Variants in ATP10B observed in about 807,000 individuals in gnomAD.
ATP10B encodes the protein ATPase phospholipid transporting 10B (putative).
In ATP10B, 122 loss-of-function variants were observed where a neutral mutation model predicts 141.2. The observed-to-expected ratio is 0.86, with a 90% CI of 0.75 to 1.00. The LOEUF is 1.00. Among genes scored for constraint, ATP10B ranks in the 50% least tolerant of loss-of-function variants. The probability of loss-of-function intolerance (pLI) is 0.00; values close to 1 mark genes in which losing one functional copy is unlikely to be tolerated. For missense variants in ATP10B, 1,876 were observed against 1,825.3 expected (o/e 1.03, Z -0.51); for synonymous variants, 685 against 692.0 (o/e 0.99, Z 0.16).
At chr5:160,910,933 C>A in the ATP10B span, among the ~76,000 whole-genome samples, 1 of 152,218 alleles carries the variant, frequency 6.6e-6, no homozygotes, top group Admixed American at 6.5e-5. Context: ...TTTTCCTGGG[C>A]GTAAGTTCTT....
At chr5:160,694,723 A>C (rs1415465828) in intron 3 of ATP10B, among the ~76,000 whole-genome samples, 1 of 152,220 alleles carries the variant, frequency 6.6e-6, no homozygotes, top group Admixed American at 6.5e-5. Flanking sequence ...TCATTCAATC[A>C]ACAAATACTT....
At chr5:160,861,597 G>A in the ATP10B span, among the ~76,000 whole-genome samples, 3 of 151,832 alleles carry the variant, frequency 2.0e-5, no homozygotes, top group Non-Finnish European at 4.4e-5. Context: ...GTATGGAAAA[G>A]TTTTTACACT....
chr5:160,569,729 T>C, intron 24 of ATP10B, 46 bp from the exon 25 acceptor site: 1 of 1,427,238 alleles, frequency 7.0e-7, no homozygotes, highest in Non-Finnish European at 9.3e-7. Context: ...TAGCTGAGAT[T>C]AGGAGGCAGG....
intron 1 of ATP10B, among the ~76,000 whole-genome samples, chr5:160,799,499 C>A (rs1407921278): frequency 6.6e-6 from 1 of 152,198 alleles, no homozygotes; most frequent in Non-Finnish European, 1.5e-5. Context: ...AGTTCAAAGT[C>A]ACTGTTAATT....
At chr5:160,847,466 C>G (rs1481583577) in intron 1 of ATP10B, among the ~76,000 whole-genome samples, 3 of 152,112 alleles carry the variant, frequency 2.0e-5, no homozygotes, top group African/African-American at 7.2e-5. Context: ...CCCAAAGAAC[C>G]CCCAAACCTC....
intron 2 of ATP10B, among the ~76,000 whole-genome samples, chr5:160,747,078 T>A (rs1350445685): frequency 6.6e-6 from 1 of 152,220 alleles, no homozygotes; most frequent in Non-Finnish European, 1.5e-5. Flanking sequence ...TCTCATTTGA[T>A]CTGGCATCCC....
intron 1 of ATP10B, among the ~76,000 whole-genome samples, chr5:160,828,436 G>C (rs1774800115): frequency 6.6e-6 from 1 of 152,080 alleles, no homozygotes; most frequent in South Asian, 2.1e-4. Flanking sequence ...CATTGATGCA[G>C]CCAAAAGACA....
At position 160,785,728 on chromosome 5, in the gene ATP10B, C is replaced by T. The variant is rs766977192; in HGVS notation, c.-500G>A. On this transcript the variant is annotated 5_prime_UTR_variant, in exon 2 of 26. Transcript: ENST00000327245. ...TGAGTGAGATGAATAATAGGAAAAA[C>T]TACTTACTCTTCACACTGTTGCTTT... The T allele has an allele frequency of 4.0e-5, 51 of 1,265,870 alleles. No individual in the cohort carries two copies. Among genetic ancestry groups the T allele is most frequent in the African/African-American group, 7.7e-5 (5 of 64,854 alleles). 78.4% of individuals were successfully genotyped at this position (1,265,870 alleles called of 1,614,324 possible). A position where few individuals can be genotyped will look rare whatever the true frequency, so the allele number is the denominator to read the frequency against.
At chr5:160,767,641 C>CCCCCCCCCG (rs1554113857) in intron 2 of ATP10B, among the ~76,000 whole-genome samples, 1 of 114,078 alleles carries the variant, frequency 8.8e-6, no homozygotes, top group African/African-American at 2.9e-5. Context: ...CAGAACCCCC[C>CCCCCCCCCG]CCCCCAAAAT....
intron 22 of ATP10B, among the ~76,000 whole-genome samples, chr5:160,592,686 C>T (rs1756397476): frequency 6.6e-6 from 1 of 152,206 alleles, no homozygotes. Flanking sequence ...CAGATGGCAC[C>T]TGGAAAATCG....
intron 24 of ATP10B, among the ~76,000 whole-genome samples, chr5:160,578,811 T>G (rs1167038158): frequency 2.6e-5 from 4 of 152,118 alleles, no homozygotes; most frequent in Non-Finnish European, 5.9e-5. Context: ...CCACCAACAG[T>G]GTAAAAGTTT....
chr5:160,613,075 G>A, intron 17 of ATP10B, 150 bp from the exon 18 acceptor site: 1 of 688,026 alleles, frequency 1.5e-6, no homozygotes, highest in Non-Finnish European at 2.4e-6. Flanking sequence ...ACTAGATGGA[G>A]CAGGTCTCTA....
At chr5:160,811,956 C>T (rs1201406005) in intron 1 of ATP10B, among the ~76,000 whole-genome samples, 1 of 151,110 alleles carries the variant, frequency 6.6e-6, no homozygotes, top group Non-Finnish European at 1.5e-5. Context: ...CACAGGGGTG[C>T]CTGTGTTACT....
intron 1 of ATP10B, among the ~76,000 whole-genome samples, chr5:160,849,800 A>AAT (rs1417293885): frequency 6.6e-6 from 1 of 152,152 alleles, no homozygotes; most frequent in Non-Finnish European, 1.5e-5. Context: ...TTCATCTCTT[A>AAT]ATAAAAGGGT....
intron 1 of ATP10B, among the ~76,000 whole-genome samples, chr5:160,812,332 A>C (rs562766424): frequency 6.6e-6 from 1 of 152,200 alleles, no homozygotes; most frequent in Admixed American, 6.5e-5. Context: ...TATAATAAAT[A>C]CTTAACTATT....
At chr5:160,669,332 C>T (rs1762514642) in intron 7 of ATP10B, among the ~76,000 whole-genome samples, 1 of 152,134 alleles carries the variant, frequency 6.6e-6, no homozygotes, top group South Asian at 2.1e-4. Context: ...CAAAACTACC[C>T]TATGGAAAGG....
chr5:160,585,558 C>A (rs564472437), intron 24 of ATP10B, among the ~76,000 whole-genome samples: 4 of 152,320 alleles, frequency 2.6e-5, no homozygotes, highest in African/African-American at 9.6e-5. Context: ...GCCAAGATGG[C>A]GCCACTGCAC....
intron 2 of ATP10B, among the ~76,000 whole-genome samples, chr5:160,782,165 CAAA>C (rs921921732): frequency 2.1e-4 from 32 of 152,070 alleles, no homozygotes; most frequent in African/African-American, 7.5e-4. Flanking sequence ...ACTCTTTCAC[CAAA>C]AAATGTTGAA....
chr5:160,787,905 A>G (rs768564560), intron 1 of ATP10B, among the ~76,000 whole-genome samples: 1 of 152,182 alleles, frequency 6.6e-6, no homozygotes, highest in Non-Finnish European at 1.5e-5. Context: ...TTAGATGCCA[A>G]CAGCTAAGAA....
Sources: gnomAD v4.1 joint callset for allele counts (sites outside exome capture counted in the v4.1 genomes callset) on GRCh38, gnomAD v4.1.1 for gene constraint, MANE v1.5 for transcripts, NCBI Gene and HGNC (gene_info 2026-07-23, HGNC 2026-07-21) for gene names.